UST: variants seen among roughly 807,000 people sequenced by gnomAD.
The protein encoded by UST is chondroitin sulfate 2-O-sulfotransferase.
A neutral mutation model predicts 45.6 loss-of-function variants in UST; 21 were observed. The ratio of observed to expected loss-of-function variants is 0.46; its 90% CI spans 0.33 to 0.66. The LOEUF is 0.66. UST is among the 30% of genes least tolerant of loss of function. The probability of loss-of-function intolerance (pLI) is 0.02; values close to 1 mark genes in which losing one functional copy is unlikely to be tolerated. For missense variants in UST, 463 were observed against 512.4 expected, an observed-to-expected ratio of 0.90 and a Z score of 0.93; for synonymous variants, 215 against 200.6, an observed-to-expected ratio of 1.07 and a Z score of -0.61.
chr6:148,962,835 A>G (rs939819035), intron 4 of UST, among the ~76,000 whole-genome samples: 2 of 152,206 alleles, frequency 1.3e-5, no homozygotes, highest in Non-Finnish European at 2.9e-5. Flanking sequence ...AAAAATGCAG[A>G]TAAACCAGGA....
chr6:148,849,992 C>A (rs972764331), intron 1 of UST, among the ~76,000 whole-genome samples: 1 of 152,076 alleles, frequency 6.6e-6, no homozygotes, highest in Non-Finnish European at 1.5e-5. Flanking sequence ...AGATACTGTT[C>A]TATGTGGTAT....
At chr6:148,930,116 C>T (rs1019720839) in intron 2 of UST, among the ~76,000 whole-genome samples, 1 of 152,156 alleles carries the variant, frequency 6.6e-6, no homozygotes, top group African/African-American at 2.4e-5. Context: ...TGACCCCTTC[C>T]CTGAGTTCTC....
Position 149,006,736 on chromosome 6 carries a change from T to C in UST, c.682-12403T>C, listed in dbSNP as rs117207812. The stretch of plus-strand genomic sequence containing the variant: ...CAACAGTGCAAAATGTTCCTATTTC[T>C]CCACAGCCTCGCCAGCAACTGTTGT... On this transcript the variant is annotated intron_variant, in intron 5 of 7. Coordinates refer to ENST00000367463, the MANE Select transcript of UST (RefSeq NM_005715.3). Among the ~76,000 whole-genome samples the C allele has an allele frequency of 0.011, 1,666 of 152,324 alleles. 83 individuals carry two copies. In the East Asian group the frequency reaches 0.13, roughly 12 times the overall value.
At chr6:148,763,644 G>T (rs545632782) in intron 1 of UST, among the ~76,000 whole-genome samples, 14 of 152,090 alleles carry the variant, frequency 9.2e-5, no homozygotes, top group Non-Finnish European at 1.8e-4. Context: ...TTACCTTTAA[G>T]TCTTTAATTC....
At position 149,063,744 on chromosome 6, in the gene UST, G is replaced by A. The variant is rs146467825; in HGVS notation, c.938-10089G>A. On this transcript the variant is annotated intron_variant, in intron 7 of 7. Coordinates refer to ENST00000367463, the MANE Select transcript of UST (RefSeq NM_005715.3). ...ATGGTTTCTTTTGTTCCCTCAAGAAGCCTGTACAGAGGAGAACTGTGTTTC... is the reference window on the plus strand; with the variant it reads ...ATGGTTTCTTTTGTTCCCTCAAGAAACCTGTACAGAGGAGAACTGTGTTTC... Among the ~76,000 whole-genome samples the A allele has an allele frequency of 2.4e-4, 36 of 152,314 alleles. 1 individual carries two copies. Among genetic ancestry groups the A allele is most frequent in the Non-Finnish European group, 4.3e-4 (29 of 68,026 alleles).
chr6:149,045,274 C>T (rs1348029108), intron 7 of UST, among the ~76,000 whole-genome samples: 1 of 152,170 alleles, frequency 6.6e-6, no homozygotes, highest in Non-Finnish European at 1.5e-5. Context: ...TTGAGAGTTG[C>T]TCCTGTGTTC....
intron 1 of UST, among the ~76,000 whole-genome samples, chr6:148,867,899 A>G (rs7762768): frequency 0.021 from 3,201 of 152,296 alleles, 116 homozygotes; most frequent in African/African-American, 0.074. Context: ...TTGTTGCTGT[A>G]AGGGATCTTC....
chr6:148,921,253 CT>C (rs1381876787), intron 2 of UST, among the ~76,000 whole-genome samples: 1 of 152,216 alleles, frequency 6.6e-6, no homozygotes, highest in African/African-American at 2.4e-5. Flanking sequence ...TGCCTGTAGT[CT>C]CTCTGGGAAG....
intron 1 of UST, among the ~76,000 whole-genome samples, chr6:148,867,567 C>T (rs181023515): frequency 6.6e-4 from 100 of 152,146 alleles, no homozygotes; most frequent in African/African-American, 2.3e-3. Flanking sequence ...ATCCTGGGGG[C>T]AGTTTCCCCC....
At chr6:149,049,042 G>A (rs562527801) in intron 7 of UST, among the ~76,000 whole-genome samples, 2 of 152,216 alleles carry the variant, frequency 1.3e-5, no homozygotes, top group African/African-American at 2.4e-5. Flanking sequence ...GGTAGTAGGG[G>A]CATAGGTATA....
chr6:148,901,913 A>C (rs12201978), intron 2 of UST, among the ~76,000 whole-genome samples: 10 of 152,074 alleles, frequency 6.6e-5, no homozygotes, highest in Admixed American at 2.0e-4. Context: ...GCAAGGCCCC[A>C]CTTAACTGAC....
intron 1 of UST, among the ~76,000 whole-genome samples, chr6:148,864,293 C>G (rs1426127973): frequency 6.6e-6 from 1 of 152,236 alleles, no homozygotes. Context: ...GGGCGTGGGA[C>G]CCTCCGAGCC....
At position 148,747,782 on chromosome 6, in the gene UST, C is replaced by T. The variant is rs534451382; in HGVS notation, c.247+105C>T. ...CTCGCGCTGCCACCGCGCGCCGCCG[C>T]CGCCCCGGGTCTCTCCAGGTGCTAA... On this transcript the variant is annotated intron_variant, in intron 1 of 7. Transcript: ENST00000367463. 808 of 1,385,156 alleles carry T rather than the reference C, an allele frequency of 5.8e-4. 8 individuals carry two copies. In the African/African-American group the frequency reaches 0.011, roughly 19 times the overall value. The allele number at this position is 1,385,156 out of a possible 1,614,324, so 85.8% of individuals were successfully genotyped here. A position where few individuals can be genotyped will look rare whatever the true frequency, so the allele number is the denominator to read the frequency against.
chr6:149,069,185 T>C (rs1270771738), intron 7 of UST, among the ~76,000 whole-genome samples: 1 of 152,252 alleles, frequency 6.6e-6, no homozygotes, highest in Non-Finnish European at 1.5e-5. Context: ...CGAATATTAC[T>C]ACAGTAAACA....
At chr6:148,936,891 C>T (rs536159027) in intron 2 of UST, among the ~76,000 whole-genome samples, 3 of 152,150 alleles carry the variant, frequency 2.0e-5, no homozygotes, top group South Asian at 4.2e-4. Context: ...GACAGTGTTT[C>T]ACCGTGTTGG....
At position 148,941,311 on chromosome 6, in the gene UST, C is replaced by T. The variant is rs368544839; in HGVS notation, c.324C>T (p.Asn108=). 3 of 1,612,004 alleles carry T rather than the reference C, an allele frequency of 1.9e-6. No individual in the cohort carries two copies. The highest frequency in any genetic ancestry group is 4.5e-5 in the East Asian group (2 of 44,848). ...VLPFPSQVVY[N]RVGKCGSRTV... is the part of the protein sequence containing the mutation. ...CTTTCCCAAGCCAGGTGGTGTACAA[C>T]AGGGTAGGCAAGTGTGGGAGCCGTA... Residue 108 remains asparagine, a synonymous_variant, in exon 3 of 8, where the codon AAC becomes AAT. Coordinates refer to ENST00000367463, the MANE Select transcript of UST (RefSeq NM_005715.3).
At chr6:148,806,277 T>A (rs1462270739) in intron 1 of UST, among the ~76,000 whole-genome samples, 1 of 152,196 alleles carries the variant, frequency 6.6e-6, no homozygotes, top group Admixed American at 6.5e-5. Flanking sequence ...CATGTCGATA[T>A]TATTTTAAAA....
rs186516208 is a variant in UST, at chr6:148,817,012, G to T, written c.247+69335G>T. Among the ~76,000 whole-genome samples, 21 of 152,286 alleles carry T rather than the reference G, an allele frequency of 1.4e-4. No homozygotes were observed. The East Asian group carries it at 4.1e-3, about 29-fold the overall frequency. On this transcript the variant is annotated intron_variant, in intron 1 of 7. Transcript: ENST00000367463. ...AAGCTGTAAACATCCAGATTCCCGG[G>T]CCCCACTCCTGGTTATCAAGATTGA...
intron 7 of UST, among the ~76,000 whole-genome samples, chr6:149,062,433 A>T (rs1776667843): frequency 6.6e-6 from 1 of 152,236 alleles, no homozygotes; most frequent in African/African-American, 2.4e-5. Flanking sequence ...ACAAACATTT[A>T]TGGAGGGTGG....
Sources: allele counts gnomAD v4.1 joint callset (sites outside exome capture counted in the v4.1 genomes callset), GRCh38; gene constraint gnomAD v4.1.1; transcripts MANE v1.5; gene names NCBI Gene and HGNC (gene_info 2026-07-23, HGNC 2026-07-21).